LRRC7: variants seen among roughly 807,000 people sequenced by gnomAD.
LRRC7 encodes the protein leucine-rich repeat-containing protein 7.
In LRRC7, 23 loss-of-function variants were observed where a neutral mutation model predicts 175.7. That is an observed-to-expected ratio of 0.13 (90% CI 0.09 to 0.19). The LOEUF (loss-of-function observed/expected upper bound fraction) is 0.19, where lower values mean the gene tolerates loss of function less well. LRRC7 is among the 10% of genes least tolerant of loss of function. The probability of loss-of-function intolerance (pLI) is 1.00; values close to 1 mark genes in which losing one functional copy is unlikely to be tolerated. For missense variants in LRRC7, 1,354 were observed against 1,904.7 expected, an observed-to-expected ratio of 0.71 and a Z score of 5.38; for synonymous variants, 685 against 680.9, an observed-to-expected ratio of 1.01 and a Z score of -0.09.
At chr1:69,968,036 G>A (rs1453166984) in intron 8 of LRRC7, among the ~76,000 whole-genome samples, 3 of 152,044 alleles carry the variant, frequency 2.0e-5, no homozygotes, top group African/African-American at 4.8e-5. Context: ...GAAGCCCAAT[G>A]TAAGGAAATC....
rs1357331619 is a variant in LRRC7, at chr1:70,127,690, C to T, written c.*5803C>T. ...TGCAGAAATGAGAAGGATACCTCTG[C>T]AGCTCTGTCAATACTTCCACAAATT... On this transcript the variant is annotated 3_prime_UTR_variant, in exon 27 of 27. Transcript: ENST00000651989. Among the ~76,000 whole-genome samples the T allele has an allele frequency of 1.3e-5, 2 of 152,208 alleles. No homozygotes were observed. Among genetic ancestry groups the T allele is most frequent in the East Asian group, 3.9e-4 (2 of 5,194 alleles).
intron 2 of LRRC7, among the ~76,000 whole-genome samples, chr1:69,686,822 T>C (rs1170042248): frequency 6.6e-6 from 1 of 151,748 alleles, no homozygotes. Flanking sequence ...TCAGATTAGA[T>C]AAAAAAGAAA....
chr1:69,612,896 T>C (rs1437826234), intron 1 of LRRC7, among the ~76,000 whole-genome samples: 1 of 151,908 alleles, frequency 6.6e-6, no homozygotes, highest in African/African-American at 2.4e-5. Flanking sequence ...ACATAGCAAA[T>C]AGTGCTAAAG....
At position 70,128,033 on chromosome 1, in the gene LRRC7, C is replaced by T. The variant is rs1389972967; in HGVS notation, c.*6146C>T. On this transcript the variant is annotated 3_prime_UTR_variant, in exon 27 of 27. Coordinates refer to ENST00000651989, the MANE Select transcript of LRRC7 (RefSeq NM_001370785.2). ...CTGGAGTGCAGTAGCGCTATCTTGGCTCACTGTAACTTCCACCTCCCGAGT... is the reference window on the plus strand; with the variant it reads ...CTGGAGTGCAGTAGCGCTATCTTGGTTCACTGTAACTTCCACCTCCCGAGT... 6.6e-6 allele frequency among the ~76,000 whole-genome samples: 1 copy of T among 152,164 alleles called. No homozygotes were observed. Among genetic ancestry groups the T allele is most frequent in the East Asian group, 1.9e-4 (1 of 5,188 alleles).
chr1:70,015,227 T>G lies in LRRC7; in HGVS notation c.1251-1238T>G, dbSNP rs367759025. On this transcript the variant is annotated intron_variant, in intron 13 of 26. Coordinates refer to ENST00000651989, the MANE Select transcript of LRRC7 (RefSeq NM_001370785.2). ...ATTCATGTTTATATTTTATAAATATTTATTAGCTCAGAAAGGTTACTATAT... is the reference window on the plus strand; with the variant it reads ...ATTCATGTTTATATTTTATAAATATGTATTAGCTCAGAAAGGTTACTATAT... Among the ~76,000 whole-genome samples the G allele has an allele frequency of 9.9e-5, 15 of 152,126 alleles. No homozygotes were observed. The East Asian group carries it at 2.7e-3, about 27-fold the overall frequency.
intron 2 of LRRC7, among the ~76,000 whole-genome samples, chr1:69,754,614 A>G (rs994075957): frequency 6.6e-6 from 1 of 152,038 alleles, no homozygotes; most frequent in Non-Finnish European, 1.5e-5. Context: ...TATTTTACAG[A>G]TGAGGAAACT....
At chr1:69,721,487 T>C (rs1345265877) in intron 2 of LRRC7, among the ~76,000 whole-genome samples, 2 of 151,912 alleles carry the variant, frequency 1.3e-5, no homozygotes, top group Admixed American at 1.3e-4. Flanking sequence ...ATTGGCCTTT[T>C]TCACTTAGTA....
chr1:69,752,998 G>A (rs879647692), intron 2 of LRRC7, among the ~76,000 whole-genome samples: 6 of 152,108 alleles, frequency 3.9e-5, no homozygotes, highest in Admixed American at 3.9e-4. Context: ...ACTGACTCAA[G>A]TCCAAATACT....
intron 25 of LRRC7, among the ~76,000 whole-genome samples, chr1:70,103,827 C>T (rs745901529): frequency 3.3e-5 from 5 of 152,086 alleles, no homozygotes; most frequent in Non-Finnish European, 7.4e-5. Flanking sequence ...GTTGCTGCTA[C>T]TTTTATCTCC....
intron 22 of LRRC7, among the ~76,000 whole-genome samples, chr1:70,047,250 C>T (rs1660399672): frequency 6.6e-6 from 1 of 152,140 alleles, no homozygotes; most frequent in African/African-American, 2.4e-5. Context: ...ATAATACTAG[C>T]TATCTCTAGT....
chr1:69,677,223 A>G (rs1036267595), intron 1 of LRRC7, among the ~76,000 whole-genome samples: 1 of 141,402 alleles, frequency 7.1e-6, no homozygotes, highest in African/African-American at 2.5e-5. Flanking sequence ...TATATAATAT[A>G]TAACATATAT....
chr1:69,771,681 G>A (rs945344911), intron 3 of LRRC7, among the ~76,000 whole-genome samples: 2 of 152,150 alleles, frequency 1.3e-5, no homozygotes, highest in African/African-American at 4.8e-5. Flanking sequence ...TTATGTGCAA[G>A]CATTGTTCTA....
chr1:69,895,322 A>G (rs960141029), intron 7 of LRRC7, among the ~76,000 whole-genome samples: 7 of 152,210 alleles, frequency 4.6e-5, no homozygotes, highest in Non-Finnish European at 2.9e-5. Context: ...CCAGAAAACA[A>G]AAAAGCAAAG....
At chr1:69,953,747 C>T (rs535001130) in intron 8 of LRRC7, among the ~76,000 whole-genome samples, 1 of 152,130 alleles carries the variant, frequency 6.6e-6, no homozygotes, top group African/African-American at 2.4e-5. Context: ...ATCTTAGTGA[C>T]TCCTGTGTCC....
At chr1:69,913,886 T>G (rs997678007) in intron 7 of LRRC7, among the ~76,000 whole-genome samples, 1 of 152,210 alleles carries the variant, frequency 6.6e-6, no homozygotes, top group Non-Finnish European at 1.5e-5. Flanking sequence ...AAGAGCAATT[T>G]ATTTCTAAAA....
chr1:69,782,369 A>T (rs1324232030), intron 3 of LRRC7, among the ~76,000 whole-genome samples: 23 of 152,230 alleles, frequency 1.5e-4, no homozygotes, highest in Non-Finnish European at 1.5e-5. Context: ...TTCAATAGGT[A>T]TAACCGTACA....
chr1:69,749,953 C>T (rs1029540145), intron 2 of LRRC7, among the ~76,000 whole-genome samples: 50 of 151,820 alleles, frequency 3.3e-4, no homozygotes, highest in Admixed American at 3.1e-3. Context: ...CCCAGCTATT[C>T]GGGAGGCTGA....
chr1:69,715,993 A>G (rs938130141), intron 2 of LRRC7: 2 of 357,276 alleles, frequency 5.6e-6, no homozygotes, highest in Admixed American at 4.7e-5. Flanking sequence ...TTGTGGAATT[A>G]TTCTTATAGG....
intron 2 of LRRC7, among the ~76,000 whole-genome samples, chr1:69,684,716 C>G (rs886573924): frequency 1.3e-5 from 2 of 152,044 alleles, no homozygotes; most frequent in Non-Finnish European, 2.9e-5. Context: ...GGCTTGCAAT[C>G]TGGTACTGTC....
Sources: gnomAD v4.1 joint callset for allele counts (sites outside exome capture counted in the v4.1 genomes callset) on GRCh38, gnomAD v4.1.1 for gene constraint, MANE v1.5 for transcripts, NCBI Gene and HGNC (gene_info 2026-07-23, HGNC 2026-07-21) for gene names.